NLRP13: variants seen among roughly 807,000 people sequenced by gnomAD.
The protein encoded by NLRP13 is NACHT, LRR and PYD domains-containing protein 13.
NLRP13 carries 82 observed loss-of-function variants against 94.4 expected under a neutral mutation model. The ratio of observed to expected loss-of-function variants is 0.87; its 90% CI spans 0.73 to 1.04. NLRP13 has a LOEUF of 1.04. NLRP13 is among the 50% of genes least tolerant of loss of function. The pLI, the probability that NLRP13 is intolerant of heterozygous loss-of-function variation, is 0.00. For missense variants in NLRP13, 1,426 were observed against 1,230.8 expected, an observed-to-expected ratio of 1.16 and a Z score of -2.37; for synonymous variants, 553 against 464.7, an observed-to-expected ratio of 1.19 and a Z score of -2.45.
At chr19:55,930,898 A>ATATATATACATATAT in intron 1 of NLRP13, among the ~76,000 whole-genome samples, 1 of 104,896 alleles carries the variant, frequency 9.5e-6, no homozygotes, top group Non-Finnish European at 1.9e-5. Flanking sequence ...ATATATATAT[A>ATATATATACATATAT]AAATTTTAAC....
Position 55,907,805 on chromosome 19 carries a change from G to T in NLRP13, c.2434C>A (p.Leu812Ile). 6.2e-7 allele frequency: 1 copy of T among 1,613,852 alleles called. No individual in the cohort carries two copies. Among genetic ancestry groups the T allele is most frequent in the Non-Finnish European group, 8.5e-7 (1 of 1,179,904 alleles). The change falls in exon 7 of 11, where the codon CTC becomes ATC. Residue 812 changes from leucine (L) to isoleucine (I), a missense_variant. Leu to Ile is a conservative substitution (Grantham distance 5, BLOSUM62 2). Transcript: ENST00000342929. ...LKALRHSACN[L>I]KYLCLEKCNL... is the part of the protein sequence containing the mutation. ...CCAAAGACTTACCACAGATACTTGA[G>T]GTTGCAAGCTGAGTGTCTCAAAGCT...
In NLRP13 at chr19:55,912,891, A is replaced by G; in HGVS notation, c.926T>C (p.Ile309Thr). 1 of 1,614,246 alleles carries G rather than the reference A, an allele frequency of 6.2e-7. No homozygotes were observed. The highest frequency in any genetic ancestry group is 8.5e-7 in the Non-Finnish European group (1 of 1,180,040). ...GATTATTTCCTCAAAGCCATCAATA[A>G]TAAACAGGAGCTTCTCTGGTTGAGA... ...FMSQPEKLLF[I>T]IDGFEEIIIS... is the part of the protein sequence containing the mutation. The change falls in exon 5 of 11, where the codon ATT becomes ACT. Residue 309 changes from isoleucine (I) to threonine (T), a missense_variant. Physicochemically the swap from Ile to Thr is moderately conservative, Grantham distance 89. Transcript: ENST00000342929.
In NLRP13 at chr19:55,912,107, C is replaced by T. The variant is rs972452304; in HGVS notation, c.1710G>A (p.Leu570=). The T allele has an allele frequency of 1.2e-6, 2 of 1,614,074 alleles. No homozygotes were observed. Among genetic ancestry groups the T allele is most frequent in the Non-Finnish European group, 1.7e-6 (2 of 1,180,042 alleles). Reference sequence around the variant, plus strand: ...CTTCTTTGTCAAGCAAGACGTGTTGCAGTAACATCTTCATCTCTTGTGGCT... The same window carrying T: ...CTTCTTTGTCAAGCAAGACGTGTTGTAGTAACATCTTCATCTCTTGTGGCT... ...STKPQEMKML[L]QHVLLDKEAY... is the part of the protein sequence containing the mutation. Residue 570 remains leucine (L), a synonymous_variant, in exon 5 of 11, where the codon CTG becomes CTA. Coordinates refer to ENST00000342929, the MANE Select transcript of NLRP13 (RefSeq NM_176810.2).
At chr19:55,916,463 C>A (rs1986677445) in intron 4 of NLRP13, among the ~76,000 whole-genome samples, 1 of 151,950 alleles carries the variant, frequency 6.6e-6, no homozygotes, top group Non-Finnish European at 1.5e-5. Context: ...AAAACCTGTA[C>A]AAAGAAATCA....
chr19:55,908,591 A>G (rs1276321631), intron 6 of NLRP13, among the ~76,000 whole-genome samples: 3 of 68,148 alleles, frequency 4.4e-5, no homozygotes, highest in African/African-American at 8.1e-5. Context: ...CTATGCAGCC[A>G]TAAAAAAAGA....
At chr19:55,920,105 G>A (rs1986781740) in intron 4 of NLRP13, among the ~76,000 whole-genome samples, 1 of 152,120 alleles carries the variant, frequency 6.6e-6, no homozygotes, top group Admixed American at 6.6e-5. Context: ...AATAAACGGT[G>A]CTGGGAAAAC....
chr19:55,892,059 C>T (rs1362321284), downstream of NLRP13: 1 of 1,224,952 alleles, frequency 8.2e-7, no homozygotes, highest in Non-Finnish European at 1.0e-6. Context: ...GAGTTTCAGA[C>T]AGAGCTCCTT....
Position 55,902,032 on chromosome 19 carries a change from T to C in NLRP13, c.2789+3A>G. 1 of 1,613,690 alleles carries C rather than the reference T, an allele frequency of 6.2e-7. No homozygotes were observed. The highest frequency in any genetic ancestry group is 1.1e-5 in the South Asian group (1 of 91,028). ...CAACTCAGAGGGAGCCAAGAAAACT[T>C]ACTTCAGGCTCTGCAGGTTACCATC... On this transcript the variant is annotated splice_donor_region_variant and intron_variant, in intron 9 of 10. Coordinates refer to ENST00000342929, the MANE Select transcript of NLRP13 (RefSeq NM_176810.2).
At position 55,902,559 on chromosome 19, in the gene NLRP13, C is replaced by T. The variant is rs558929674; in HGVS notation, c.2619-354G>A. Among the ~76,000 whole-genome samples the T allele has an allele frequency of 5.9e-5, 9 of 152,250 alleles. No homozygotes were observed. The South Asian group carries it at 1.9e-3, about 32-fold the overall frequency. On this transcript the variant is annotated intron_variant, in intron 8 of 10. Coordinates refer to ENST00000342929, the MANE Select transcript of NLRP13 (RefSeq NM_176810.2). ...CAGCTGGGTGACCCTCAACAAGCTCCCGCACTCCTTTCAGCCTTCATTGCC... is the reference window on the plus strand; with the variant it reads ...CAGCTGGGTGACCCTCAACAAGCTCTCGCACTCCTTTCAGCCTTCATTGCC...
At chr19:55,917,124 CT>C (rs1367917389) in intron 4 of NLRP13, among the ~76,000 whole-genome samples, 1 of 152,008 alleles carries the variant, frequency 6.6e-6, no homozygotes, top group Non-Finnish European at 1.5e-5. Context: ...CTACAATAAG[CT>C]TTATAAATGA....
At chr19:55,929,227 A>G (rs964848901) in intron 1 of NLRP13, among the ~76,000 whole-genome samples, 1 of 152,204 alleles carries the variant, frequency 6.6e-6, no homozygotes, top group Admixed American at 6.5e-5. Flanking sequence ...CGATTCCTCA[A>G]GGATCTAGAA....
At position 55,912,641 on chromosome 19, in the gene NLRP13, C is replaced by A. The variant is rs919797325; in HGVS notation, c.1176G>T (p.Arg392=). 6.2e-7 allele frequency: 1 copy of A among 1,614,124 alleles called. No homozygotes were observed. The highest frequency in any genetic ancestry group is 2.2e-5 in the East Asian group (1 of 44,872). ...CATCAAAGTGTCTCATGAAATATACCCGTAGGTCGTCCCCTGTGAACCCTG... is the reference window on the plus strand; with the variant it reads ...CATCAAAGTGTCTCATGAAATATACACGTAGGTCGTCCCCTGTGAACCCTG... ...QITGFTGDDL[R]VYFMRHFDDS... The change falls in exon 5 of 11, where the codon CGG becomes CGT. Residue 392 remains arginine (R), a synonymous_variant. Coordinates refer to ENST00000342929, the MANE Select transcript of NLRP13 (RefSeq NM_176810.2).
intron 1 of NLRP13, among the ~76,000 whole-genome samples, chr19:55,931,007 C>T (rs1470619561): frequency 6.6e-6 from 1 of 151,332 alleles, no homozygotes; most frequent in Non-Finnish European, 1.5e-5. Context: ...CACAATCAGC[C>T]CTGTAACACC....
At position 55,913,115 on chromosome 19, in the gene NLRP13, C is replaced by A. The variant is rs775175006; in HGVS notation, c.702G>T (p.Val234=). The part of the protein sequence containing the change: ...TRAQAQTIVL[V]GRAGVGKTTL... ...TGGTCTTCCCAACCCCTGCCCTCCC[C>A]ACCAAGACTATCGTCTGGGCCTGGG... is the stretch of plus-strand genomic sequence containing the variant. The change falls in exon 5 of 11, where the codon GTG becomes GTT. Residue 234 remains valine, a synonymous_variant. Coordinates refer to ENST00000342929, the MANE Select transcript of NLRP13 (RefSeq NM_176810.2). 6.2e-7 allele frequency: 1 copy of A among 1,614,066 alleles called. No homozygotes were observed. The highest frequency in any genetic ancestry group is 2.2e-5 in the East Asian group (1 of 44,884).
At chr19:55,931,879 G>A (rs2123157103) in intron 1 of NLRP13, 114 bp downstream of exon 1, 4 of 838,556 alleles carry the variant, frequency 4.8e-6, no homozygotes, top group Non-Finnish European at 7.7e-6. Context: ...TTATCAAGGA[G>A]GATTTGTAGG....
intron 1 of NLRP13, among the ~76,000 whole-genome samples, chr19:55,931,395 T>A (rs1159289251): frequency 6.6e-6 from 1 of 151,916 alleles, no homozygotes. Flanking sequence ...ACAATCACAC[T>A]GGGACAAATT....
At chr19:55,920,755 T>C (rs1219065891) in intron 4 of NLRP13, among the ~76,000 whole-genome samples, 3 of 151,870 alleles carry the variant, frequency 2.0e-5, no homozygotes, top group East Asian at 1.9e-4. Flanking sequence ...CTATTGGGTA[T>C]CTATTCTAAG....
Position 55,902,067 on chromosome 19 carries a change from C to T in NLRP13, c.2757G>A (p.Leu919=). 6.2e-7 allele frequency: 1 copy of T among 1,614,182 alleles called. No individual in the cohort carries two copies. The highest frequency in any genetic ancestry group is 8.5e-7 in the Non-Finnish European group (1 of 1,180,012). Residue 919 remains leucine (L), a synonymous_variant, in exon 9 of 11, where the codon TTG becomes TTA. Coordinates refer to ENST00000342929, the MANE Select transcript of NLRP13 (RefSeq NM_176810.2). ...TCTGCAGGTTACCATCTGGGCGACC[C>T]AAGGCCTCACACAGGAACTTGACTC... The part of the protein sequence containing the change: ...DEGVKFLCEA[L]GRPDGNLQSL...
At position 55,910,698 on chromosome 19, in the gene NLRP13, T is replaced by C; in HGVS notation, c.2147A>G (p.Asn716Ser). 6.2e-7 allele frequency: 1 copy of C among 1,611,814 alleles called. No homozygotes were observed. The highest frequency in any genetic ancestry group is 8.5e-7 in the Non-Finnish European group (1 of 1,178,182). The change falls in exon 6 of 11, where the codon AAC (asparagine) becomes AGC (serine). Residue 716 changes from asparagine (N) to serine (S), a missense_variant. By Grantham distance (46) the Asn-to-Ser change is conservative. Transcript: ENST00000342929. ...SKFDSRMHAW[N>S]SICSTLVTNE... is the part of the protein sequence containing the mutation. Reference sequence around the variant, plus strand: ...TGTGACCAACGTAGAGCAAATGCTGTTCCATGCGTGCATCCTGGAATCAAA... The same window carrying C: ...TGTGACCAACGTAGAGCAAATGCTGCTCCATGCGTGCATCCTGGAATCAAA...
Sources: allele counts gnomAD v4.1 joint callset (sites outside exome capture counted in the v4.1 genomes callset), GRCh38; gene constraint gnomAD v4.1.1; transcripts MANE v1.5; gene names NCBI Gene and HGNC (gene_info 2026-07-23, HGNC 2026-07-21).